Variants in PARD6G observed in about 807,000 individuals in gnomAD.
PARD6G encodes the protein par-6 family cell polarity regulator gamma, also known as partitioning defective 6 homolog gamma.
In PARD6G, 7 loss-of-function variants were observed where a neutral mutation model predicts 10.7. That is an observed-to-expected ratio of 0.66 (90% CI 0.37 to 1.23). The LOEUF (loss-of-function observed/expected upper bound fraction) is 1.23, where lower values mean the gene tolerates loss of function less well. PARD6G is among the 50% of genes most tolerant of loss of function. PARD6G has a pLI of 0.02. For synonymous variants in PARD6G, 287 were observed against 269.4 expected, an observed-to-expected ratio of 1.07 and a Z score of -0.64; for missense variants, 548 against 571.8, an observed-to-expected ratio of 0.96 and a Z score of 0.42.
intron 1 of PARD6G, among the ~76,000 whole-genome samples, chr18:80,208,294 ATAGTGG>A (rs1399133571): frequency 1.3e-5 from 2 of 152,216 alleles, no homozygotes; most frequent in African/African-American, 4.8e-5. Flanking sequence ...ATCCCCTTTT[ATAGTGG>A]TAGTTTTTCA....
chr18:80,228,647 G>A lies in PARD6G; in HGVS notation c.72+18630C>T, dbSNP rs1267555443. Among the ~76,000 whole-genome samples, 1 of 149,530 alleles carries A rather than the reference G, an allele frequency of 6.7e-6. No individual in the cohort carries two copies. Among genetic ancestry groups the A allele is most frequent in the African/African-American group, 2.5e-5 (1 of 40,418 alleles). On this transcript the variant is annotated intron_variant, in intron 1 of 2. Transcript: ENST00000353265. The surrounding 1 kb of genome is among the most constrained non-coding windows in gnomAD (Gnocchi z 4.6). ...TCCACAGACTGCGCCTCCCACCTAA[G>A]GCCCCGCCCACTGAGGCCCCATCCC...
rs1427476792 is a variant in PARD6G at position 80,182,977 on chromosome 18, T to C, written c.295+19733A>G. Reference sequence around the variant, plus strand: ...GCCAGACGCCCCTCCCAGTCCTCCTTCGTCCTGACGTGGCTCCCAGTGGAA... The same window carrying C: ...GCCAGACGCCCCTCCCAGTCCTCCTCCGTCCTGACGTGGCTCCCAGTGGAA... On this transcript the variant is annotated intron_variant, in intron 2 of 2. Transcript: ENST00000353265. This position sits in a 1 kb window ranked among gnomAD's most constrained non-coding sequence, Gnocchi z 4.5. The C allele has an allele frequency of 1.6e-6, 1 of 641,800 alleles. No homozygotes were observed. The highest frequency in any genetic ancestry group is 2.8e-6 in the Non-Finnish European group (1 of 354,998). 39.8% of individuals were successfully genotyped at this position (641,800 alleles called of 1,614,324 possible). A position where few individuals can be genotyped will look rare whatever the true frequency, so the allele number is the denominator to read the frequency against.
chr18:80,160,815 C>T (rs538217368), intron 2 of PARD6G, among the ~76,000 whole-genome samples: 1 of 152,194 alleles, frequency 6.6e-6, no homozygotes, highest in Non-Finnish European at 1.5e-5. Flanking sequence ...CTTACAGCTC[C>T]ACAGGCACCA....
chr18:80,192,660 T>C lies in PARD6G; in HGVS notation c.295+10050A>G, dbSNP rs8083877. Among the ~76,000 whole-genome samples the C allele has an allele frequency of 0.66, 100,338 of 151,964 alleles. 33,240 individuals carry two copies. The highest frequency in any genetic ancestry group is 0.68 in the Admixed American group (10,440 of 15,288). ...AGGGTACACTGTACTTTCTGAACCT[T>C]ACTGTGGTCCAGAACACCAAAGACA... On this transcript the variant is annotated intron_variant, in intron 2 of 2. Transcript: ENST00000353265. This position sits in a 1 kb window ranked among gnomAD's most constrained non-coding sequence, Gnocchi z 4.9.
rs1418329402 is a variant in PARD6G, at chr18:80,159,507, G to C, written c.*264C>G. 2 of 408,008 alleles carry C rather than the reference G, an allele frequency of 4.9e-6. No homozygotes were observed. The highest frequency in any genetic ancestry group is 4.1e-6 in the Non-Finnish European group (1 of 243,616). The allele number at this position is 408,008 out of a possible 1,614,324, so 25.3% of individuals were successfully genotyped here. ...AAAAGCATTTTTTTGCACTTGGTCA[G>C]ATCTTTTCTATCACTTTGCAAAGGC... On this transcript the variant is annotated 3_prime_UTR_variant, in exon 3 of 3. Transcript: ENST00000353265.
intron 1 of PARD6G, among the ~76,000 whole-genome samples, chr18:80,241,660 G>A (rs549424471): frequency 1.3e-5 from 2 of 152,308 alleles, no homozygotes; most frequent in Non-Finnish European, 2.9e-5. Context: ...CTCGGGGCAG[G>A]GCCGCAGGGT....
At chr18:80,168,649 G>A (rs149235464) in intron 2 of PARD6G, among the ~76,000 whole-genome samples, 28 of 146,234 alleles carry the variant, frequency 1.9e-4, no homozygotes, top group African/African-American at 3.8e-4. Flanking sequence ...AGACAGTCTC[G>A]CTCTGTCACC....
At chr18:80,211,120 G>A (rs964579990) in intron 1 of PARD6G, among the ~76,000 whole-genome samples, 16 of 152,072 alleles carry the variant, frequency 1.1e-4, no homozygotes, top group African/African-American at 3.9e-4. Context: ...TTGCTTTTAA[G>A]TGAAAATTTT....
In PARD6G at chr18:80,160,395, C is replaced by A. The variant is rs766789982; in HGVS notation, c.507G>T (p.Pro169=). Residue 169 remains proline, a synonymous_variant, in exon 3 of 3, where the codon CCG becomes CCT. Transcript: ENST00000353265. ...CGCCATCGCGGATGTAGAAGCCCAG[C>A]GGCTTCTCGCAGCCGTGCCGGTGCA... The part of the protein sequence containing the change: ...VRLHRHGCEK[P]LGFYIRDGAS... 1.0e-5 allele frequency: 16 copies of A among 1,604,108 alleles called. No individual in the cohort carries two copies. In the African/African-American group the frequency reaches 1.9e-4, roughly 19 times the overall value.
intron 2 of PARD6G, among the ~76,000 whole-genome samples, chr18:80,186,990 T>C (rs1174488880): frequency 6.6e-6 from 1 of 151,764 alleles, no homozygotes; most frequent in East Asian, 1.9e-4. Context: ...TCCCAGCTAC[T>C]CAGGAGGCTG....
intron 2 of PARD6G, among the ~76,000 whole-genome samples, chr18:80,173,861 G>C (rs2052792637): frequency 6.6e-6 from 1 of 152,158 alleles, no homozygotes; most frequent in African/African-American, 2.4e-5. Flanking sequence ...CCTTCAAAGC[G>C]CATGGCTACT....
At chr18:80,195,969 T>C (rs1966953096) in intron 2 of PARD6G, among the ~76,000 whole-genome samples, 1 of 151,624 alleles carries the variant, frequency 6.6e-6, no homozygotes, top group African/African-American at 2.4e-5. Flanking sequence ...CCCCTGGCAA[T>C]ATATATATTT....
intron 1 of PARD6G, among the ~76,000 whole-genome samples, chr18:80,217,996 T>C (rs1030437988): frequency 1.3e-5 from 2 of 152,172 alleles, no homozygotes; most frequent in African/African-American, 4.8e-5. Flanking sequence ...AAGAACAGCA[T>C]GGAGGTAACT....
intron 2 of PARD6G, among the ~76,000 whole-genome samples, chr18:80,186,914 G>C (rs962466398): frequency 1.3e-5 from 2 of 152,064 alleles, no homozygotes; most frequent in East Asian, 1.9e-4. Flanking sequence ...CTGGCTAACA[G>C]GGTGAAACCC....
intron 2 of PARD6G, among the ~76,000 whole-genome samples, chr18:80,196,890 TAAAAAAAA>T (rs572719232): frequency 1.1e-4 from 10 of 88,028 alleles, no homozygotes; most frequent in South Asian, 4.8e-4. Flanking sequence ...TTTCTTTTAT[TAAAAAAAA>T]AAAAAAAAAA....
At chr18:80,230,020 C>T (rs1025316197) in intron 1 of PARD6G, among the ~76,000 whole-genome samples, 2 of 152,226 alleles carry the variant, frequency 1.3e-5, no homozygotes, top group Non-Finnish European at 2.9e-5. Flanking sequence ...CACAGTGTCA[C>T]CATTTCAGAG....
intron 2 of PARD6G, among the ~76,000 whole-genome samples, chr18:80,195,500 T>A (rs1966943272): frequency 7.0e-6 from 1 of 142,928 alleles, no homozygotes; most frequent in Non-Finnish European, 1.5e-5. Context: ...GAGGGAAAAT[T>A]CAAAGATCAG....
chr18:80,193,652 A>C (rs1462096774), intron 2 of PARD6G, among the ~76,000 whole-genome samples: 1 of 152,344 alleles, frequency 6.6e-6, no homozygotes, highest in Non-Finnish European at 1.5e-5. Flanking sequence ...TACATTACAT[A>C]TATTTTACCA....
rs1288185590 is a variant in PARD6G at position 80,183,139 on chromosome 18, G to C, written c.295+19571C>G. The C allele has an allele frequency of 7.1e-6, 5 of 702,858 alleles. No homozygotes were observed. In the African/African-American group the frequency reaches 8.7e-5, roughly 12 times the overall value. The allele number at this position is 702,858 out of a possible 1,614,324, so 43.5% of individuals were successfully genotyped here. On this transcript the variant is annotated intron_variant, in intron 2 of 2. Coordinates refer to ENST00000353265, the MANE Select transcript of PARD6G (RefSeq NM_032510.4). The surrounding 1 kb of genome is among the most constrained non-coding windows in gnomAD (Gnocchi z 4.5). ...CTGAAGAGTCAGGTTCCTGGTCGCA[G>C]GGCTCCGTCATCTGCAGGAAAATTA... is the stretch of plus-strand genomic sequence containing the variant.
Sources: allele counts gnomAD v4.1 joint callset (sites outside exome capture counted in the v4.1 genomes callset), GRCh38; gene constraint gnomAD v4.1.1; non-coding constraint Gnocchi (gnomAD v3.1); transcripts MANE v1.5; gene names NCBI Gene and HGNC (gene_info 2026-07-23, HGNC 2026-07-21).